Variants in MALT1 observed in about 807,000 individuals in gnomAD.
MALT1 encodes MALT1 paracaspase.
Under a neutral mutation model 85.5 loss-of-function variants are expected in MALT1, and 36 were observed. That is an observed-to-expected ratio of 0.42 (90% CI 0.32 to 0.56). The LOEUF (loss-of-function observed/expected upper bound fraction) is 0.56. Among genes scored for constraint, MALT1 ranks in the 20% least tolerant of loss-of-function variants. The pLI is 0.10. For missense variants in MALT1, 716 were observed against 981.6 expected, an observed-to-expected ratio of 0.73 and a Z score of 3.62; for synonymous variants, 359 against 361.3, an observed-to-expected ratio of 0.99 and a Z score of 0.07.
intron 8 of MALT1, among the ~76,000 whole-genome samples, chr18:58,715,680 G>A (rs1399099154): frequency 1.3e-5 from 2 of 152,090 alleles, no homozygotes; most frequent in Non-Finnish European, 2.9e-5. Context: ...GTAGAGTGAG[G>A]TTTCATTAGA....
At chr18:58,692,437 A>ACTCT (rs1228829466) in intron 2 of MALT1, among the ~76,000 whole-genome samples, 2 of 41,726 alleles carry the variant, frequency 4.8e-5, no homozygotes, top group Non-Finnish European at 1.0e-4. Context: ...TCTCTCTCTC[A>ACTCT]CTCTCTCCCT....
chr18:58,684,603 C>T (rs1208250380), intron 2 of MALT1, among the ~76,000 whole-genome samples: 11 of 151,934 alleles, frequency 7.2e-5, no homozygotes, highest in Non-Finnish European at 1.3e-4. Context: ...TGTGCCACCA[C>T]GCCCAGCTAA....
intron 11 of MALT1, 116 bp downstream of exon 11, chr18:58,733,690 T>C (rs750570298): frequency 3.4e-6 from 3 of 885,180 alleles, no homozygotes; most frequent in African/African-American, 1.7e-5. Context: ...AGTTTATACA[T>C]TGAAACTGGA....
At chr18:58,716,096 T>C in intron 9 of MALT1, 129 bp downstream of exon 9, 1 of 675,296 alleles carries the variant, frequency 1.5e-6, no homozygotes, top group Non-Finnish European at 2.5e-6. Flanking sequence ...TTTTATTTTT[T>C]TGTATCTGTA....
intron 12 of MALT1, 133 bp from the exon 13 acceptor site, chr18:58,735,069 C>A (rs1377657308): frequency 4.1e-5 from 29 of 707,412 alleles, no homozygotes; most frequent in African/African-American, 4.1e-4. Flanking sequence ...GTCCCCACCC[C>A]CCCCCAGCCT....
intron 13 of MALT1, among the ~76,000 whole-genome samples, chr18:58,738,067 T>C (rs1476646061): frequency 4.6e-5 from 7 of 152,204 alleles, no homozygotes; most frequent in Non-Finnish European, 7.3e-5. Flanking sequence ...GATATGAATA[T>C]AGGACCTTGA....
At chr18:58,717,713 T>C (rs1241750949) in intron 9 of MALT1, among the ~76,000 whole-genome samples, 1 of 136,126 alleles carries the variant, frequency 7.3e-6, no homozygotes, top group Non-Finnish European at 1.5e-5. Context: ...GCCACTGCAC[T>C]CCAGCCTGGG....
intron 12 of MALT1, chr18:58,734,652 T>C (rs1049739828): frequency 1.2e-5 from 4 of 337,950 alleles, no homozygotes; most frequent in African/African-American, 8.3e-5. Context: ...TAGGCATAAA[T>C]TTACCTCCTT....
At chr18:58,678,470 T>A (rs1220316118) in intron 1 of MALT1, among the ~76,000 whole-genome samples, 1 of 152,158 alleles carries the variant, frequency 6.6e-6, no homozygotes, top group Non-Finnish European at 1.5e-5. Flanking sequence ...TGTGTGTGTA[T>A]ACACACACAT....
Position 58,671,730 on chromosome 18 carries a change from C to A in MALT1, c.87C>A (p.Thr29=). 1 of 1,278,834 alleles carries A rather than the reference C, an allele frequency of 7.8e-7. No homozygotes were observed. The highest frequency in any genetic ancestry group is 9.9e-7 in the Non-Finnish European group (1 of 1,013,016). The allele number at this position is 1,278,834 out of a possible 1,614,324, so 79.2% of individuals were successfully genotyped here. A position where few individuals can be genotyped will look rare whatever the true frequency, so the allele number is the denominator to read the frequency against. ...GPLLAPPAGA[T]LNRLREPLLR... ...TGCTCGCCCCTCCGGCCGGCGCGAC[C>A]CTCAACCGCCTGCGGGAGCCGCTGC... The change falls in exon 1 of 17, where the codon ACC becomes ACA. Residue 29 remains threonine, a synonymous_variant. Coordinates refer to ENST00000649217, the MANE Select transcript of MALT1 (RefSeq NM_006785.4).
chr18:58,737,743 C>T (rs149235294), intron 13 of MALT1, among the ~76,000 whole-genome samples: 132 of 152,128 alleles, frequency 8.7e-4, no homozygotes, highest in African/African-American at 2.5e-3. Context: ...CCACCACGTC[C>T]GGCTAATTTT....
At chr18:58,679,035 T>C (rs2054281269) in intron 1 of MALT1, among the ~76,000 whole-genome samples, 1 of 152,218 alleles carries the variant, frequency 6.6e-6, no homozygotes, top group South Asian at 2.1e-4. Flanking sequence ...TTTGGGAAAG[T>C]TTTTCTGTCG....
At chr18:58,730,648 GA>G (rs559664943) in intron 10 of MALT1, among the ~76,000 whole-genome samples, 4 of 152,160 alleles carry the variant, frequency 2.6e-5, no homozygotes, top group Non-Finnish European at 5.9e-5. Flanking sequence ...TATGTACCTG[GA>G]AGTGAAATTC....
At chr18:58,686,139 G>T (rs1040564377) in intron 2 of MALT1, among the ~76,000 whole-genome samples, 1 of 152,090 alleles carries the variant, frequency 6.6e-6, no homozygotes, top group African/African-American at 2.4e-5. Context: ...CGATTCTTCT[G>T]CCTCAGTCTC....
At chr18:58,694,099 T>C (rs150733589) in intron 2 of MALT1, among the ~76,000 whole-genome samples, 1 of 152,274 alleles carries the variant, frequency 6.6e-6, no homozygotes, top group Non-Finnish European at 1.5e-5. Flanking sequence ...TTCAGAAAAA[T>C]TCTGAACTTC....
chr18:58,717,896 G>A (rs1315734851), intron 9 of MALT1, among the ~76,000 whole-genome samples: 1 of 149,434 alleles, frequency 6.7e-6, no homozygotes, highest in Non-Finnish European at 1.5e-5. Flanking sequence ...CTGAACAAAG[G>A]CATAGCCATC....
chr18:58,698,062 G>GT (rs1490530395), intron 3 of MALT1, among the ~76,000 whole-genome samples: 226 of 110,946 alleles, frequency 2.0e-3, no homozygotes, highest in Non-Finnish European at 2.8e-3. Context: ...TTGTTGTTTT[G>GT]TTTTGTTTTT....
chr18:58,730,898 C>CAT, intron 10 of MALT1, among the ~76,000 whole-genome samples: 1 of 152,262 alleles, frequency 6.6e-6, no homozygotes, highest in South Asian at 2.1e-4. Context: ...ATTTGCCACT[C>CAT]ATATATCCTC....
chr18:58,744,734 C>T (rs2055344931), intron 15 of MALT1, among the ~76,000 whole-genome samples: 1 of 151,972 alleles, frequency 6.6e-6, no homozygotes, highest in South Asian at 2.1e-4. Flanking sequence ...TTTCTTATAT[C>T]CTAAACACGA....
Sources: allele counts gnomAD v4.1 joint callset (sites outside exome capture counted in the v4.1 genomes callset), GRCh38; gene constraint gnomAD v4.1.1; transcripts MANE v1.5; gene names NCBI Gene and HGNC (gene_info 2026-07-23, HGNC 2026-07-21).